PCDHGB4: variants seen among roughly 807,000 people sequenced by gnomAD.
PCDHGB4 encodes the protein protocadherin gamma subfamily B, 4, also known as protocadherin gamma-B4.
Under a neutral mutation model 60.5 loss-of-function variants are expected in PCDHGB4, and 38 were observed. That is an observed-to-expected ratio of 0.63 (90% CI 0.48 to 0.82). The LOEUF is 0.82. Among genes scored for constraint, PCDHGB4 ranks in the 40% least tolerant of loss-of-function variants. The pLI is 0.00. For synonymous variants in PCDHGB4, 456 were observed against 509.7 expected, an observed-to-expected ratio of 0.89 and a Z score of 1.42; for missense variants, 1,109 against 1,209.6, an observed-to-expected ratio of 0.92 and a Z score of 1.23.
At position 141,422,330 on chromosome 5, in the gene PCDHGB4, C is replaced by T. The variant is rs200342957; in HGVS notation, c.2397+32049C>T. 1,454 of 1,548,164 alleles carry T rather than the reference C, an allele frequency of 9.4e-4. 3 individuals carry two copies. The highest frequency in any genetic ancestry group is 7.9e-4 in the Non-Finnish European group (910 of 1,153,526). On this transcript the variant is annotated intron_variant, in intron 1 of 3. Transcript: ENST00000519479. The stretch of plus-strand genomic sequence containing the variant: ...AACTCTCCTCCAGGTACAGTGATTG[C>T]TCTTCTAAATGTGCAAGATCAAGAT...
intron 1 of PCDHGB4, chr5:141,423,689 G>T: frequency 7.1e-7 from 1 of 1,400,130 alleles, no homozygotes; most frequent in Non-Finnish European, 9.4e-7. Context: ...CCTCCTAATT[G>T]TTGGTGTCTT....
rs1247067983 is a variant in PCDHGB4, at chr5:141,511,327, C to T, written c.*154C>T. ...CCCTTGGGAAACAGAAACAAGTGCC[C>T]AGTCAGCACCTACCCCTTCCCCCCC... On this transcript the variant is annotated 3_prime_UTR_variant, in exon 4 of 4. Transcript: ENST00000519479. 28 of 1,455,454 alleles carry T rather than the reference C, an allele frequency of 1.9e-5. No individual in the cohort carries two copies. Among genetic ancestry groups the T allele is most frequent in the Admixed American group, 2.4e-5 (1 of 41,734 alleles). 90.2% of individuals were successfully genotyped at this position (1,455,454 alleles called of 1,614,324 possible). A position where few individuals can be genotyped will look rare whatever the true frequency, so the allele number is the denominator to read the frequency against.
In PCDHGB4 at chr5:141,476,776, G is replaced by A. The variant is rs764674164; in HGVS notation, c.2398-18031G>A. 9.3e-6 allele frequency: 15 copies of A among 1,612,744 alleles called. No homozygotes were observed. The highest frequency in any genetic ancestry group is 1.3e-5 in the Non-Finnish European group (15 of 1,179,218). On this transcript the variant is annotated intron_variant, in intron 1 of 3. Coordinates refer to ENST00000519479, the MANE Select transcript of PCDHGB4 (RefSeq NM_003736.4). This position sits in a 1 kb window ranked among gnomAD's most constrained non-coding sequence, Gnocchi z 7.6. ...TAGTGCTGACGGCGTTGGACGGAGG[G>A]ACCCCAGCTCTCTCCGCCAGCCTGC...
In PCDHGB4 at chr5:141,476,255, G is replaced by A. The variant is rs767691159; in HGVS notation, c.2398-18552G>A. 6.2e-7 allele frequency: 1 copy of A among 1,614,090 alleles called. No individual in the cohort carries two copies. Among genetic ancestry groups the A allele is most frequent in the Admixed American group, 1.7e-5 (1 of 60,022 alleles). ...GGAGGAAAGAGAGAAGGGTTTCGCT[G>A]TGGGCAACGTGGTCGCGAACCTTGG... On this transcript the variant is annotated intron_variant, in intron 1 of 3. Transcript: ENST00000519479. The surrounding 1 kb of genome is among the most constrained non-coding windows in gnomAD (Gnocchi z 7.6).
chr5:141,408,022 G>A (rs915978239), intron 1 of PCDHGB4: 1 of 1,056,122 alleles, frequency 9.5e-7, no homozygotes, highest in Non-Finnish European at 1.3e-6. Context: ...GCCAACAACA[G>A]AAAGAAGAAA....
In PCDHGB4 at chr5:141,502,866, C is replaced by CTTTTTTTTTT. The variant is rs549047197; in HGVS notation, c.2457-2522_2457-2513dup. On this transcript the variant is annotated intron_variant, in intron 2 of 3. Transcript: ENST00000519479. ...GAGCTGCCTAACCCTGACTCTCTGT[C>CTTTTTTTTTT]TTTTTTTTTTTTTTGACAGGGAGTC... 1.9e-3 allele frequency among the ~76,000 whole-genome samples: 240 copies of CTTTTTTTTTT among 127,966 alleles called. 11 individuals are homozygous for CTTTTTTTTTT. The highest frequency in any genetic ancestry group is 3.5e-3 in the Admixed American group (41 of 11,656). The allele number at this position is 127,966 out of a possible 152,430, so 84.0% of individuals were successfully genotyped here.
Position 141,432,098 on chromosome 5 carries a change from G to A in PCDHGB4, c.2397+41817G>A. 1.2e-6 allele frequency: 2 copies of A among 1,614,056 alleles called. No homozygotes were observed. Among genetic ancestry groups the A allele is most frequent in the Non-Finnish European group, 1.7e-6 (2 of 1,180,002 alleles). ...CTCGCTGAACGTGGCAGACACCAAC[G>A]ACAACCCGCCGGTCTTCCCTCAGGC... On this transcript the variant is annotated intron_variant, in intron 1 of 3. Transcript: ENST00000519479. The surrounding 1 kb of genome is among the most constrained non-coding windows in gnomAD (Gnocchi z 6.0).
At chr5:141,494,064 G>T (rs1233070772) in intron 1 of PCDHGB4, among the ~76,000 whole-genome samples, 2 of 152,160 alleles carry the variant, frequency 1.3e-5, no homozygotes, top group South Asian at 2.1e-4. Flanking sequence ...TGTGGGAGCT[G>T]GATCCCTCCC....
At position 141,399,541 on chromosome 5, in the gene PCDHGB4, G is replaced by T. The variant is rs1301909841; in HGVS notation, c.2397+9260G>T. Reference sequence around the variant, plus strand: ...TGGGGCCTCCATCGCGCAAGTCTGCGCCTCGGACCTGGACTTGGGGTTGAA... The same window carrying T: ...TGGGGCCTCCATCGCGCAAGTCTGCTCCTCGGACCTGGACTTGGGGTTGAA... On this transcript the variant is annotated intron_variant, in intron 1 of 3. Transcript: ENST00000519479. 1.9e-6 allele frequency: 3 copies of T among 1,613,926 alleles called. No individual in the cohort carries two copies. In the Admixed American group the frequency reaches 5.0e-5, roughly 27 times the overall value.
At position 141,477,068 on chromosome 5, in the gene PCDHGB4, C is replaced by A; in HGVS notation, c.2398-17739C>A. 6.2e-7 allele frequency: 1 copy of A among 1,614,268 alleles called. No homozygotes were observed. The highest frequency in any genetic ancestry group is 8.5e-7 in the Non-Finnish European group (1 of 1,180,046). On this transcript the variant is annotated intron_variant, in intron 1 of 3. Transcript: ENST00000519479. This position sits in a 1 kb window ranked among gnomAD's most constrained non-coding sequence, Gnocchi z 4.9. ...GCTGGACTTCGAGGACACCAAACTCCATGAGATTTACATCCAGGCCAAAGA... is the reference window on the plus strand; with the variant it reads ...GCTGGACTTCGAGGACACCAAACTCAATGAGATTTACATCCAGGCCAAAGA...
rs371619613 is a variant in PCDHGB4 at position 141,444,258 on chromosome 5, G to A, written c.2398-50549G>A. The stretch of plus-strand genomic sequence containing the variant: ...ATGCTCTCGGCTCACTGCAACCTCC[G>A]CCTCCCAGGTTCAAGTGATTCTCCT... On this transcript the variant is annotated intron_variant, in intron 1 of 3. Coordinates refer to ENST00000519479, the MANE Select transcript of PCDHGB4 (RefSeq NM_003736.4). 1.3e-4 allele frequency among the ~76,000 whole-genome samples: 16 copies of A among 127,752 alleles called. No homozygotes were observed. The South Asian group carries it at 2.7e-3, about 21-fold the overall frequency. The allele number at this position is 127,752 out of a possible 152,430, so 83.8% of individuals were successfully genotyped here.
Position 141,393,354 on chromosome 5 carries a change from G to A in PCDHGB4, c.2397+3073G>A, listed in dbSNP as rs781276983. The A allele has an allele frequency of 2.4e-5, 39 of 1,613,824 alleles. No homozygotes were observed. The East Asian group carries it at 4.5e-4, about 18-fold the overall frequency. ...CAGCCCCAATCACCACTTCTCCCTG[G>A]ACGTGCAGACTGGAGACAATGGAGC... On this transcript the variant is annotated intron_variant, in intron 1 of 3. Coordinates refer to ENST00000519479, the MANE Select transcript of PCDHGB4 (RefSeq NM_003736.4).
intron 1 of PCDHGB4, among the ~76,000 whole-genome samples, chr5:141,488,238 C>T (rs374846692): frequency 5.3e-5 from 8 of 152,036 alleles, no homozygotes; most frequent in Non-Finnish European, 1.0e-4. Flanking sequence ...GAACTAGATG[C>T]GGTAAATTGG....
rs999687684 is a variant in PCDHGB4, at chr5:141,431,598, C to T, written c.2397+41317C>T. 1 of 1,614,192 alleles carries T rather than the reference C, an allele frequency of 6.2e-7. No homozygotes were observed. The highest frequency in any genetic ancestry group is 8.5e-7 in the Non-Finnish European group (1 of 1,180,046). ...GGAGTCAATGCGGAAGTGAGGTATT[C>T]CTTCCGGTATGTGGACGACAAGGCG... is the stretch of plus-strand genomic sequence containing the variant. On this transcript the variant is annotated intron_variant, in intron 1 of 3. Coordinates refer to ENST00000519479, the MANE Select transcript of PCDHGB4 (RefSeq NM_003736.4). This position sits in a 1 kb window ranked among gnomAD's most constrained non-coding sequence, Gnocchi z 4.8.
chr5:141,408,469 A>G (rs1454570616), intron 1 of PCDHGB4: 2 of 1,614,078 alleles, frequency 1.2e-6, no homozygotes, highest in South Asian at 2.2e-5. Flanking sequence ...TGAAGAACCG[A>G]ATAGACCGTG....
intron 2 of PCDHGB4, among the ~76,000 whole-genome samples, chr5:141,503,088 C>T (rs1003234288): frequency 4.0e-5 from 6 of 151,864 alleles, no homozygotes; most frequent in Admixed American, 1.3e-4. Context: ...CTCCTGACCT[C>T]GTGGTCTGCC....
intron 1 of PCDHGB4, chr5:141,414,258 TG>T: frequency 6.2e-7 from 1 of 1,613,492 alleles, no homozygotes; most frequent in Non-Finnish European, 8.5e-7. Flanking sequence ...GTCCAGTGAC[TG>T]AAGATTCACC....
At position 141,491,039 on chromosome 5, in the gene PCDHGB4, G is replaced by T; in HGVS notation, c.2398-3768G>T. 1 of 1,614,180 alleles carries T rather than the reference G, an allele frequency of 6.2e-7. No individual in the cohort carries two copies. The highest frequency in any genetic ancestry group is 1.1e-5 in the South Asian group (1 of 91,090). ...GTGACAGCCGTGGATGCTGATGCAGGCCACAATGCGTGGCTCTCCTACTCA... is the reference window on the plus strand; with the variant it reads ...GTGACAGCCGTGGATGCTGATGCAGTCCACAATGCGTGGCTCTCCTACTCA... On this transcript the variant is annotated intron_variant, in intron 1 of 3. Transcript: ENST00000519479. The surrounding 1 kb of genome is among the most constrained non-coding windows in gnomAD (Gnocchi z 6.9).
At chr5:141,415,478 GA>G (rs1209443921) in intron 1 of PCDHGB4, 2 of 1,613,964 alleles carry the variant, frequency 1.2e-6, no homozygotes, top group Non-Finnish European at 1.7e-6. Context: ...GCGGACTCGC[GA>G]AAGAGTCACC....
Sources: gnomAD v4.1 joint callset for allele counts (sites outside exome capture counted in the v4.1 genomes callset) on GRCh38, gnomAD v4.1.1 for gene constraint, Gnocchi (gnomAD v3.1) non-coding constraint, MANE v1.5 for transcripts, NCBI Gene and HGNC (gene_info 2026-07-23, HGNC 2026-07-21) for gene names.